CAMK2D: variants seen among roughly 807,000 people sequenced by gnomAD.
CAMK2D encodes the protein calcium/calmodulin-dependent protein kinase type II subunit delta.
Under a neutral mutation model 84.0 loss-of-function variants are expected in CAMK2D, and 37 were observed. That is an observed-to-expected ratio of 0.44 (90% CI 0.34 to 0.58). CAMK2D has a LOEUF of 0.58. CAMK2D is among the 20% of genes least tolerant of loss of function. CAMK2D has a pLI of 0.02. For missense variants in CAMK2D, 448 were observed against 652.5 expected (o/e 0.69, Z 3.41); for synonymous variants, 202 against 212.5 (o/e 0.95, Z 0.43).
At chr4:113,724,822 AT>A (rs1254354070) in intron 2 of CAMK2D, among the ~76,000 whole-genome samples, 3 of 151,992 alleles carry the variant, frequency 2.0e-5, no homozygotes, top group Admixed American at 6.6e-5. Context: ...TAGCACATAC[AT>A]TTAACACTAT....
chr4:113,726,622 T>C (rs2099546892), intron 2 of CAMK2D, among the ~76,000 whole-genome samples: 1 of 151,972 alleles, frequency 6.6e-6, no homozygotes, highest in Non-Finnish European at 1.5e-5. Context: ...CAGGATGGTC[T>C]TGAACTCCCT....
At chr4:113,664,637 C>G (rs2099250438) in intron 2 of CAMK2D, among the ~76,000 whole-genome samples, 1 of 152,084 alleles carries the variant, frequency 6.6e-6, no homozygotes, top group South Asian at 2.1e-4. Context: ...AGCAAAAGGG[C>G]AGGTCATTAT....
Position 113,455,767 on chromosome 4 carries a change from C to A in CAMK2D, c.1590G>T (p.Trp530Cys). 1 of 1,612,120 alleles carries A rather than the reference C, an allele frequency of 6.2e-7. No individual in the cohort carries two copies. Among genetic ancestry groups the A allele is most frequent in the Non-Finnish European group, 8.5e-7 (1 of 1,178,512 alleles). ...TGGTTTTCAGGCCTTAGATGTTTTG[C>A]CACAAAGAGGTGCCTCCTGAGAAGT... Reference protein sequence around the residue: ...KENFSGGTSLWQNI With the variant: ...KENFSGGTSLCQNI The change falls in exon 20 of 21, where the codon TGG becomes TGT. Residue 530 changes from tryptophan to cysteine, a missense_variant. This residue lies in a region of CAMK2D where 219 missense variants were observed against 272.1 expected (regional missense o/e 0.80). Transcript: ENST00000511664.
At chr4:113,505,341 A>G (rs945435438) in intron 13 of CAMK2D, among the ~76,000 whole-genome samples, 1 of 152,218 alleles carries the variant, frequency 6.6e-6, no homozygotes, top group Non-Finnish European at 1.5e-5. Context: ...TGAAATTAAT[A>G]TAACCATTCT....
rs1048595606 is a variant in CAMK2D, at chr4:113,563,530, A to G, written c.276-11434T>C. 5.9e-5 allele frequency among the ~76,000 whole-genome samples: 9 copies of G among 152,208 alleles called. No individual in the cohort carries two copies. In the South Asian group the frequency reaches 1.7e-3, roughly 28 times the overall value. ...GAAGGGCGTGTTGCCAAGGTACTGAACCATTTTGCTGGACCCTAAGAAGGA... is the reference window on the plus strand; with the variant it reads ...GAAGGGCGTGTTGCCAAGGTACTGAGCCATTTTGCTGGACCCTAAGAAGGA... On this transcript the variant is annotated intron_variant, in intron 4 of 20. Coordinates refer to ENST00000511664, the MANE Select transcript of CAMK2D (RefSeq NM_001321571.2).
At chr4:113,682,282 T>C (rs2099348143) in intron 2 of CAMK2D, among the ~76,000 whole-genome samples, 1 of 152,148 alleles carries the variant, frequency 6.6e-6, no homozygotes, top group East Asian at 1.9e-4. Context: ...GAGGAAAGTA[T>C]ATGAGAAATT....
chr4:113,663,590 A>AAATAATAATAATAATAATAATAAT (rs10525797), intron 2 of CAMK2D, among the ~76,000 whole-genome samples: 9 of 146,004 alleles, frequency 6.2e-5, no homozygotes, highest in African/African-American at 2.0e-4. Context: ...CTCTGTCTAA[A>AAATAATAATAATAATAATAATAAT]AATAATAATA....
chr4:113,707,542 A>C (rs1202639090), intron 2 of CAMK2D, among the ~76,000 whole-genome samples: 1 of 152,218 alleles, frequency 6.6e-6, no homozygotes, highest in Non-Finnish European at 1.5e-5. Context: ...AATTATTTAA[A>C]CTAGACAGAT....
chr4:113,714,338 A>G (rs1291306046), intron 2 of CAMK2D, among the ~76,000 whole-genome samples: 1 of 152,034 alleles, frequency 6.6e-6, no homozygotes, highest in African/African-American at 2.4e-5. Context: ...TATAACAATT[A>G]CACTCCAATT....
intron 2 of CAMK2D, among the ~76,000 whole-genome samples, chr4:113,739,032 T>G (rs1261856304): frequency 6.6e-6 from 1 of 152,202 alleles, no homozygotes; most frequent in Non-Finnish European, 1.5e-5. Flanking sequence ...CATTCCTTAC[T>G]GTTCATAGCA....
chr4:113,499,000 G>C (rs566214990), intron 16 of CAMK2D, among the ~76,000 whole-genome samples: 1 of 152,110 alleles, frequency 6.6e-6, no homozygotes, highest in African/African-American at 2.4e-5. Flanking sequence ...AGTTTCTCCA[G>C]TGGACAATGA....
chr4:113,487,821 A>T (rs557464749), intron 16 of CAMK2D, among the ~76,000 whole-genome samples: 1 of 151,954 alleles, frequency 6.6e-6, no homozygotes, highest in African/African-American at 2.4e-5. Flanking sequence ...TTAACATCTA[A>T]TTGTTTTATA....
At chr4:113,685,545 T>A (rs887893890) in intron 2 of CAMK2D, among the ~76,000 whole-genome samples, 1 of 151,988 alleles carries the variant, frequency 6.6e-6, no homozygotes, top group African/African-American at 2.4e-5. Flanking sequence ...TGGCCACATT[T>A]CAGACTTTAA....
At chr4:113,721,754 C>G (rs2099531183) in intron 2 of CAMK2D, among the ~76,000 whole-genome samples, 4 of 152,140 alleles carry the variant, frequency 2.6e-5, no homozygotes, top group African/African-American at 9.7e-5. Flanking sequence ...CTAATCCCAG[C>G]AGAGAGCCCA....
At chr4:113,658,402 T>C (rs1041056688) in intron 3 of CAMK2D, among the ~76,000 whole-genome samples, 1 of 152,146 alleles carries the variant, frequency 6.6e-6, no homozygotes, top group Non-Finnish European at 1.5e-5. Flanking sequence ...CTGCCTACAA[T>C]GTTTTTCGTT....
chr4:113,673,423 C>T lies in CAMK2D; in HGVS notation c.161-11651G>A, dbSNP rs745316753. On this transcript the variant is annotated intron_variant, in intron 2 of 20. Transcript: ENST00000511664. Reference sequence around the variant, plus strand: ...AGGAATGATCTCACAAGGGACAATGCCCAAAAGGACCACCTGGCAAGGCAA... The same window carrying T: ...AGGAATGATCTCACAAGGGACAATGTCCAAAAGGACCACCTGGCAAGGCAA... Among the ~76,000 whole-genome samples, 7 of 152,252 alleles carry T rather than the reference C, an allele frequency of 4.6e-5. No homozygotes were observed. In the East Asian group the frequency reaches 1.2e-3, roughly 25 times the overall value.
At chr4:113,476,247 G>A (rs2097615148) in intron 16 of CAMK2D, among the ~76,000 whole-genome samples, 1 of 152,130 alleles carries the variant, frequency 6.6e-6, no homozygotes, top group African/African-American at 2.4e-5. Flanking sequence ...AAAAGGCACA[G>A]CATTGTAAAT....
chr4:113,756,557 T>C (rs1019848578), intron 2 of CAMK2D, among the ~76,000 whole-genome samples: 1 of 152,048 alleles, frequency 6.6e-6, no homozygotes, highest in African/African-American at 2.4e-5. Context: ...ATTTTAAAAA[T>C]TTTTCTGCAA....
intron 3 of CAMK2D, among the ~76,000 whole-genome samples, chr4:113,639,608 G>A (rs1311250191): frequency 6.6e-6 from 1 of 152,006 alleles, no homozygotes; most frequent in East Asian, 1.9e-4. Flanking sequence ...AAGGCTGGGG[G>A]GTGATGCCAA....
Sources: allele counts gnomAD v4.1 joint callset (sites outside exome capture counted in the v4.1 genomes callset), GRCh38; gene constraint gnomAD v4.1.1; regional missense constraint gnomAD v4.1.1; transcripts MANE v1.5; gene names NCBI Gene and HGNC (gene_info 2026-07-23, HGNC 2026-07-21).